Variants in SDK2 observed in about 807,000 individuals in gnomAD.
The protein encoded by SDK2 is sidekick cell adhesion molecule 2.
In SDK2, 105 loss-of-function variants were observed where a neutral mutation model predicts 253.9. The ratio of observed to expected loss-of-function variants is 0.41; its 90% CI spans 0.35 to 0.49. The LOEUF (loss-of-function observed/expected upper bound fraction) is 0.49. Among genes scored for constraint, SDK2 ranks in the 20% least tolerant of loss-of-function variants. SDK2 has a pLI of 0.06. For missense variants in SDK2, 2,608 were observed against 3,003.0 expected, an observed-to-expected ratio of 0.87 and a Z score of 3.07; for synonymous variants, 1,249 against 1,234.9, an observed-to-expected ratio of 1.01 and a Z score of -0.24.
At chr17:73,485,937 G>A (rs2063766994) in intron 2 of SDK2, among the ~76,000 whole-genome samples, 2 of 152,228 alleles carry the variant, frequency 1.3e-5, no homozygotes, top group African/African-American at 4.8e-5. Context: ...CACTCTGACT[G>A]CAGACTGGAG....
rs923822341 is a variant in SDK2, at chr17:73,502,100, C to G, written c.224+5338G>C. Among the ~76,000 whole-genome samples the G allele has an allele frequency of 1.7e-3, 258 of 151,938 alleles. 1 individual carries two copies. The highest frequency in any genetic ancestry group is 5.9e-3 in the African/African-American group (244 of 41,474). On this transcript the variant is annotated intron_variant, in intron 2 of 44. Coordinates refer to ENST00000392650, the MANE Select transcript of SDK2 (RefSeq NM_001144952.2). ...TAGTGCACATACACACACACACACA[C>G]ACACACACACACACACACACCAGAC...
At chr17:73,564,159 C>T (rs980198191) in intron 1 of SDK2, among the ~76,000 whole-genome samples, 20 of 152,162 alleles carry the variant, frequency 1.3e-4, no homozygotes, top group Non-Finnish European at 2.9e-5. Flanking sequence ...CTTGGATTTA[C>T]TTAGAGCTGT....
chr17:73,611,670 TG>T (rs2045976652), intron 1 of SDK2, among the ~76,000 whole-genome samples: 1 of 152,230 alleles, frequency 6.6e-6, no homozygotes, highest in Non-Finnish European at 1.5e-5. Context: ...TGGCCAGTCA[TG>T]CTGCTTCCCA....
At chr17:73,412,443 C>T (rs533903075) in intron 18 of SDK2, among the ~76,000 whole-genome samples, 1 of 151,910 alleles carries the variant, frequency 6.6e-6, no homozygotes, top group Admixed American at 6.6e-5. Context: ...TGGTCTACTG[C>T]TATTATTACT....
At chr17:73,424,177 T>G (rs1165689520) in intron 12 of SDK2, 85 bp from the exon 13 acceptor site, 1 of 1,190,272 alleles carries the variant, frequency 8.4e-7, no homozygotes, top group Non-Finnish European at 1.2e-6. Context: ...CCCGAGAAAA[T>G]AGCTCCAAAG....
chr17:73,488,342 A>G (rs1040143512), intron 2 of SDK2, among the ~76,000 whole-genome samples: 1 of 152,228 alleles, frequency 6.6e-6, no homozygotes, highest in African/African-American at 2.4e-5. Flanking sequence ...AGAAAATACA[A>G]GTTCAGGCAG....
chr17:73,352,334 G>T lies in SDK2; in HGVS notation c.5758+139C>A. 1 of 1,102,160 alleles carries T rather than the reference G, an allele frequency of 9.1e-7. No individual in the cohort carries two copies. The highest frequency in any genetic ancestry group is 1.3e-6 in the Non-Finnish European group (1 of 783,416). 68.3% of individuals were successfully genotyped at this position (1,102,160 alleles called of 1,614,324 possible). A position where few individuals can be genotyped will look rare whatever the true frequency, so the allele number is the denominator to read the frequency against. ...GGGCACCAGCACTTGCCTCTTCACA[G>T]CCCCGAGGGGACAATGTGTTTTTGT... is the stretch of plus-strand genomic sequence containing the variant. On this transcript the variant is annotated intron_variant, in intron 41 of 44. Transcript: ENST00000392650. The surrounding 1 kb of genome is among the most constrained non-coding windows in gnomAD (Gnocchi z 4.1).
At chr17:73,461,550 A>G (rs1006898263) in intron 3 of SDK2, among the ~76,000 whole-genome samples, 1 of 152,194 alleles carries the variant, frequency 6.6e-6, no homozygotes, top group Non-Finnish European at 1.5e-5. Flanking sequence ...GCTCAGAGGT[A>G]GGAGAGAAGG....
Position 73,392,783 on chromosome 17 carries a change from G to T in SDK2, c.3898+777C>A, listed in dbSNP as rs1014008272. Among the ~76,000 whole-genome samples, 4 of 152,180 alleles carry T rather than the reference G, an allele frequency of 2.6e-5. 1 individual carries two copies. The highest frequency in any genetic ancestry group is 2.6e-4 in the Admixed American group (4 of 15,280). On this transcript the variant is annotated intron_variant, in intron 27 of 44. Coordinates refer to ENST00000392650, the MANE Select transcript of SDK2 (RefSeq NM_001144952.2). Reference sequence around the variant, plus strand: ...GGGGGCGTGTGCGGGGAGATAGGAGGGGGCAAGGGATGCATTGGTGAGCTT... The same window carrying T: ...GGGGGCGTGTGCGGGGAGATAGGAGTGGGCAAGGGATGCATTGGTGAGCTT...
chr17:73,433,127 G>GTCTC (rs141946835), intron 10 of SDK2, among the ~76,000 whole-genome samples: 1 of 151,656 alleles, frequency 6.6e-6, no homozygotes, highest in Non-Finnish European at 1.5e-5. Flanking sequence ...GCACGCTATA[G>GTCTC]TCTAGTCTTC....
chr17:73,555,583 C>T (rs990817557), intron 1 of SDK2, among the ~76,000 whole-genome samples: 2 of 152,188 alleles, frequency 1.3e-5, no homozygotes, highest in Admixed American at 6.5e-5. Flanking sequence ...TGCCATCAGG[C>T]AAGAATGGTG....
At chr17:73,590,184 G>C (rs2045663020) in intron 1 of SDK2, among the ~76,000 whole-genome samples, 1 of 152,234 alleles carries the variant, frequency 6.6e-6, no homozygotes, top group Non-Finnish European at 1.5e-5. Flanking sequence ...AGCAAGACGA[G>C]AATTGGACGG....
intron 2 of SDK2, among the ~76,000 whole-genome samples, chr17:73,498,960 C>T (rs2063864853): frequency 1.3e-5 from 2 of 152,208 alleles, no homozygotes; most frequent in African/African-American, 2.4e-5. Context: ...CCGAACCTCT[C>T]TGAGCTGTGA....
chr17:73,495,025 G>T (rs1345827686), intron 2 of SDK2, among the ~76,000 whole-genome samples: 1 of 152,246 alleles, frequency 6.6e-6, no homozygotes, highest in Non-Finnish European at 1.5e-5. Context: ...TGGAGGTGTT[G>T]TACCTGCCCC....
rs184649364 is a variant in SDK2 at position 73,352,340 on chromosome 17, A to C, written c.5758+133T>G. ...CAGCACTTGCCTCTTCACAGCCCCG[A>C]GGGGACAATGTGTTTTTGTTCCCGC... On this transcript the variant is annotated intron_variant, in intron 41 of 44. Transcript: ENST00000392650. The surrounding 1 kb of genome is among the most constrained non-coding windows in gnomAD (Gnocchi z 4.1). The C allele has an allele frequency of 7.9e-4, 911 of 1,151,084 alleles. 2 individuals are homozygous for C. Among genetic ancestry groups the C allele is most frequent in the Middle Eastern group, 2.3e-3 (8 of 3,420 alleles). 71.3% of individuals were successfully genotyped at this position (1,151,084 alleles called of 1,614,324 possible). A position where few individuals can be genotyped will look rare whatever the true frequency, so the allele number is the denominator to read the frequency against.
At chr17:73,622,807 G>C (rs891783933) in intron 1 of SDK2, among the ~76,000 whole-genome samples, 2 of 152,264 alleles carry the variant, frequency 1.3e-5, no homozygotes, top group Admixed American at 6.5e-5. Flanking sequence ...CATGATTGGG[G>C]CTGGTTCTGG....
intron 1 of SDK2, among the ~76,000 whole-genome samples, chr17:73,557,592 TG>T (rs1374968314): frequency 2.0e-5 from 3 of 152,176 alleles, no homozygotes; most frequent in Non-Finnish European, 4.4e-5. Context: ...CATGAGCCAC[TG>T]TGCCCAGCCA....
At chr17:73,381,044 G>A (rs182278527) in intron 33 of SDK2, 94 bp from the exon 34 acceptor site, 127 of 743,036 alleles carry the variant, frequency 1.7e-4, no homozygotes, top group Non-Finnish European at 2.8e-4. Context: ...AAGAAACCCC[G>A]GCCAGGCGGG....
At position 73,419,192 on chromosome 17, in the gene SDK2, A is replaced by T; in HGVS notation, c.2160T>A (p.Asn720Lys). 6.2e-7 allele frequency: 1 copy of T among 1,612,256 alleles called. No individual in the cohort carries two copies. Among genetic ancestry groups the T allele is most frequent in the Non-Finnish European group, 8.5e-7 (1 of 1,179,432 alleles). Residue 720 changes from asparagine to lysine, a missense_variant, in exon 16 of 45, where the codon AAT (asparagine) becomes AAA (lysine). Asn to Lys is a moderately conservative substitution (Grantham distance 94). This residue lies in a region of SDK2 where 1,505 missense variants were observed against 1,859.1 expected (regional missense o/e 0.81). Transcript: ENST00000392650. ...TGATGATGTAACCCTTGAGAATTCC[A>T]TTCTGGTGGCTCTCAGGAGGCGGCT... ...QWQPPPESHQ[N>K]GILKGYIIRY... is the part of the protein sequence containing the mutation.
Sources: gnomAD v4.1 joint callset for allele counts (sites outside exome capture counted in the v4.1 genomes callset) on GRCh38, gnomAD v4.1.1 for gene constraint, gnomAD v4.1.1 regional missense constraint, Gnocchi (gnomAD v3.1) non-coding constraint, MANE v1.5 for transcripts, NCBI Gene and HGNC (gene_info 2026-07-23, HGNC 2026-07-21) for gene names.